The following NUP98 variants were observed in gnomAD, a reference collection of about 807,000 sequenced individuals.
The protein encoded by NUP98 is nucleoporin 98 and 96 precursor.
NUP98 carries 26 observed loss-of-function variants against 191.9 expected under a neutral mutation model. That is an observed-to-expected ratio of 0.14 (90% confidence interval 0.10 to 0.19). NUP98 has a LOEUF of 0.19. Among genes scored for constraint, NUP98 ranks in the 10% least tolerant of loss-of-function variants. NUP98 has a pLI of 1.00. For synonymous variants in NUP98, 808 were observed against 778.4 expected, an observed-to-expected ratio of 1.04 and a Z score of -0.63; for missense variants, 1,941 against 2,178.8, an observed-to-expected ratio of 0.89 and a Z score of 2.17.
rs2078029721 is a variant in NUP98, at chr11:3,683,225, C to T, written c.4893G>A (p.Lys1631=). 6.2e-7 allele frequency: 1 copy of T among 1,614,036 alleles called. No homozygotes were observed. Among genetic ancestry groups the T allele is most frequent in the African/African-American group, 1.3e-5 (1 of 74,920 alleles). ...FKAEHWNRCH[K]LIIRHLASDA... Reference sequence around the variant, plus strand: ...CAGAAGCTAAGTGTCGGATGATGAGCTTGTGGCAGCGGTTCCAGTGCTCAG... The same window carrying T: ...CAGAAGCTAAGTGTCGGATGATGAGTTTGTGGCAGCGGTTCCAGTGCTCAG... Residue 1631 remains lysine, a synonymous_variant, in exon 30 of 33, where the codon AAG becomes AAA. Transcript: ENST00000324932.
chr11:3,685,514 A>G (rs546971651), intron 29 of NUP98, among the ~76,000 whole-genome samples: 1 of 152,230 alleles, frequency 6.6e-6, no homozygotes, highest in Non-Finnish European at 1.5e-5. Flanking sequence ...TCTGGGATTC[A>G]GAAAAGAGCC....
intron 1 of NUP98, among the ~76,000 whole-genome samples, chr11:3,795,488 A>G (rs1465416781): frequency 6.6e-6 from 1 of 152,136 alleles, no homozygotes. Context: ...AAAGTATCAC[A>G]TAACATATAA....
chr11:3,738,098 A>C (rs527441747), intron 12 of NUP98, among the ~76,000 whole-genome samples: 2 of 138,336 alleles, frequency 1.4e-5, no homozygotes, highest in African/African-American at 4.9e-5. Context: ...AAAAAAAAAA[A>C]AAAAAAAAAC....
At chr11:3,746,844 C>T (rs576214641) in intron 11 of NUP98, among the ~76,000 whole-genome samples, 2 of 146,338 alleles carry the variant, frequency 1.4e-5, no homozygotes, top group Non-Finnish European at 3.0e-5. Flanking sequence ...GCCCGGGAGG[C>T]GGAGGTTGCA....
intron 12 of NUP98, among the ~76,000 whole-genome samples, chr11:3,737,493 G>A (rs2080112257): frequency 6.6e-6 from 1 of 152,136 alleles, no homozygotes; most frequent in Admixed American, 6.6e-5. Context: ...CAGGCATGGT[G>A]GTGGGCACCT....
intron 10 of NUP98, among the ~76,000 whole-genome samples, chr11:3,754,166 C>G (rs564217787): frequency 6.6e-6 from 1 of 152,130 alleles, no homozygotes; most frequent in African/African-American, 2.4e-5. Context: ...TGGTGGCTTA[C>G]GCCTGTAATC....
At chr11:3,732,544 A>G (rs146860552) in intron 13 of NUP98, among the ~76,000 whole-genome samples, 4 of 152,220 alleles carry the variant, frequency 2.6e-5, no homozygotes, top group African/African-American at 9.6e-5. Context: ...GGGGAAAAAA[A>G]AGGCAGATAC....
In NUP98 at chr11:3,771,790, A is replaced by C; in HGVS notation, c.742T>G (p.Ser248Ala). 1 of 1,614,176 alleles carries C rather than the reference A, an allele frequency of 6.2e-7. No homozygotes were observed. The highest frequency in any genetic ancestry group is 1.3e-5 in the African/African-American group (1 of 75,036). The change falls in exon 7 of 33, where the codon TCA becomes GCA. Residue 248 changes from serine (S) to alanine (A), a missense_variant. This residue lies in a region of NUP98 where 181 missense variants were observed against 228.0 expected (regional missense o/e 0.79). Coordinates refer to ENST00000324932, the MANE Select transcript of NUP98 (RefSeq NM_016320.5). ...TGLFSSSTTNSGFAYGQNKTA... is the reference protein window; with the variant it reads ...TGLFSSSTTNAGFAYGQNKTA... ...TTGTTCTGACCATATGCAAAGCCTGAATTAGTGGTGGAGGAGCTGAAGAGT... is the reference window on the plus strand; with the variant it reads ...TTGTTCTGACCATATGCAAAGCCTGCATTAGTGGTGGAGGAGCTGAAGAGT...
intron 18 of NUP98, among the ~76,000 whole-genome samples, chr11:3,717,199 T>C (rs2079216209): frequency 1.3e-5 from 2 of 152,172 alleles, no homozygotes; most frequent in African/African-American, 2.4e-5. Flanking sequence ...TTCACCATGT[T>C]GGCCAGGCTC....
chr11:3,682,215 C>A (rs922092990), intron 30 of NUP98, among the ~76,000 whole-genome samples: 5 of 152,218 alleles, frequency 3.3e-5, no homozygotes, highest in African/African-American at 1.2e-4. Flanking sequence ...CAAAAACTTT[C>A]TCCGCATCAG....
At chr11:3,698,300 G>A (rs566632903) in intron 25 of NUP98, among the ~76,000 whole-genome samples, 3 of 152,312 alleles carry the variant, frequency 2.0e-5, no homozygotes, top group South Asian at 4.1e-4. Context: ...AATGTTTGCA[G>A]TGAGTAGTAG....
At position 3,725,156 on chromosome 11, in the gene NUP98, A is replaced by G; in HGVS notation, c.1794T>C (p.Asn598=). 1 of 1,603,020 alleles carries G rather than the reference A, an allele frequency of 6.2e-7. No individual in the cohort carries two copies. The highest frequency in any genetic ancestry group is 1.7e-5 in the Admixed American group (1 of 59,894). Residue 598 remains asparagine, a synonymous_variant, in exon 15 of 33, where the codon AAT becomes AAC. Coordinates refer to ENST00000324932, the MANE Select transcript of NUP98 (RefSeq NM_016320.5). ...LNNSNLFSPV[N]RDSENLASPS... ...GTGAAGCTAGATTTTCTGAATCACG[A>G]TTAACAGGAGAAAAGAGATTGCTAT...
intron 31 of NUP98, among the ~76,000 whole-genome samples, chr11:3,679,196 CA>C (rs1426776558): frequency 6.6e-6 from 1 of 151,454 alleles, no homozygotes; most frequent in Non-Finnish European, 1.5e-5. Context: ...TAAAACATGC[CA>C]AATGATGTGT....
intron 10 of NUP98, among the ~76,000 whole-genome samples, chr11:3,759,965 T>G (rs1335950881): frequency 1.3e-5 from 2 of 151,988 alleles, no homozygotes; most frequent in East Asian, 3.9e-4. Flanking sequence ...TGACTCAGCC[T>G]CCATAATGGC....
At chr11:3,796,772 G>T (rs549512447) in intron 1 of NUP98, among the ~76,000 whole-genome samples, 3 of 152,204 alleles carry the variant, frequency 2.0e-5, no homozygotes, top group Non-Finnish European at 4.4e-5. Context: ...ACTGATGTAA[G>T]GTAGGGGGAT....
Position 3,683,242 on chromosome 11 carries a change from A to T in NUP98, c.4876T>A (p.Trp1626Arg), listed in dbSNP as rs373263648. The T allele has an allele frequency of 6.2e-7, 1 of 1,614,188 alleles. No homozygotes were observed. Among genetic ancestry groups the T allele is most frequent in the Non-Finnish European group, 8.5e-7 (1 of 1,180,020 alleles). The change falls in exon 30 of 33, where the codon TGG becomes AGG. Residue 1626 changes from tryptophan to arginine, a missense_variant. Trp to Arg is a moderately radical substitution (Grantham distance 101, BLOSUM62 -3). Transcript: ENST00000324932. ...EALCLFKAEH[W>R]NRCHKLIIRH... is the part of the protein sequence containing the mutation. Reference sequence around the variant, plus strand: ...ATGATGAGCTTGTGGCAGCGGTTCCAGTGCTCAGCCTTAAATAAGCAAAGG... The same window carrying T: ...ATGATGAGCTTGTGGCAGCGGTTCCTGTGCTCAGCCTTAAATAAGCAAAGG...
At chr11:3,695,740 G>C (rs1469652722) in intron 25 of NUP98, 134 bp from the exon 26 acceptor site, 6 of 609,836 alleles carry the variant, frequency 9.8e-6, no homozygotes, top group Middle Eastern at 4.3e-4. Context: ...TTCTGCAGTA[G>C]TGCCAAAATA....
intron 11 of NUP98, 151 bp from the exon 12 acceptor site, chr11:3,744,800 G>T (rs1477755352): frequency 2.7e-6 from 2 of 754,020 alleles, no homozygotes; most frequent in East Asian, 2.7e-5. Flanking sequence ...GTTACTGCAG[G>T]TCAAGTACTG....
intron 1 of NUP98, among the ~76,000 whole-genome samples, chr11:3,788,588 T>A (rs2133975415): frequency 6.6e-6 from 1 of 151,774 alleles, no homozygotes; most frequent in Middle Eastern, 3.4e-3. Context: ...TGAAATTCTG[T>A]CTCCAAAAAT....
Sources: gnomAD v4.1 joint callset for allele counts (sites outside exome capture counted in the v4.1 genomes callset) on GRCh38, gnomAD v4.1.1 for gene constraint, gnomAD v4.1.1 regional missense constraint, MANE v1.5 for transcripts, NCBI Gene and HGNC (gene_info 2026-07-23, HGNC 2026-07-21) for gene names.